The following SLC2A12 variants were observed in gnomAD, a reference collection of about 807,000 sequenced individuals.
SLC2A12 encodes solute carrier family 2, facilitated glucose transporter member 12.
Under a neutral mutation model 41.8 loss-of-function variants are expected in SLC2A12, and 23 were observed. The ratio of observed to expected loss-of-function variants is 0.55; its 90% confidence interval spans 0.40 to 0.78. SLC2A12 has a LOEUF of 0.78. SLC2A12 is among the 30% of genes least tolerant of loss of function. The pLI, the probability that SLC2A12 is intolerant of heterozygous loss-of-function variation, is 0.00. For synonymous variants in SLC2A12, 295 were observed against 285.9 expected (o/e 1.03, Z -0.32); for missense variants, 654 against 745.6 (o/e 0.88, Z 1.43).
chr6:134,001,032 C>T (rs981498401), intron 4 of SLC2A12, among the ~76,000 whole-genome samples: 8 of 152,122 alleles, frequency 5.3e-5, no homozygotes, highest in South Asian at 4.2e-4. Context: ...TCTACACTTC[C>T]GGGACCCACC....
chr6:134,014,559 A>G (rs1275167341), intron 2 of SLC2A12, among the ~76,000 whole-genome samples: 4 of 152,220 alleles, frequency 2.6e-5, no homozygotes, highest in Non-Finnish European at 4.4e-5. Context: ...ATTTTTCATT[A>G]TTGATACTTT....
chr6:134,041,720 C>G lies in SLC2A12; in HGVS notation c.103+10658G>C, dbSNP rs74992131. 5.6e-3 allele frequency among the ~76,000 whole-genome samples: 855 copies of G among 152,246 alleles called. 16 individuals are homozygous for G. Among genetic ancestry groups the G allele is most frequent in the African/African-American group, 0.019 (803 of 41,522 alleles). On this transcript the variant is annotated intron_variant, in intron 1 of 4. Transcript: ENST00000275230. ...TTACGGCCCAATCTTATACATTAGG[C>G]TCCCCATTTTATTTACTGTTAAATC...
intron 2 of SLC2A12, among the ~76,000 whole-genome samples, chr6:134,017,580 CG>C (rs973189758): frequency 1.3e-5 from 2 of 152,088 alleles, no homozygotes; most frequent in Non-Finnish European, 2.9e-5. Flanking sequence ...AGGCCGGGCA[CG>C]GTGACTCACG....
At chr6:134,032,405 A>AATATATATATATATATATATTTATAT (rs1199764963) in intron 1 of SLC2A12, among the ~76,000 whole-genome samples, 1 of 118,080 alleles carries the variant, frequency 8.5e-6, no homozygotes, top group Non-Finnish European at 1.6e-5. Context: ...TACAGGGAGA[A>AATATATATATATATATATATTTATAT]ATATATATAT....
At chr6:134,009,903 G>A (rs1462746065) in intron 2 of SLC2A12, among the ~76,000 whole-genome samples, 1 of 152,104 alleles carries the variant, frequency 6.6e-6, no homozygotes, top group South Asian at 2.1e-4. Flanking sequence ...AAAATCACAG[G>A]TTTTCAGCTC....
At chr6:134,018,904 A>G (rs776093453) in intron 2 of SLC2A12, among the ~76,000 whole-genome samples, 6 of 152,196 alleles carry the variant, frequency 3.9e-5, no homozygotes, top group Non-Finnish European at 7.4e-5. Context: ...CCACTTCTCT[A>G]TCTTCTCCTC....
chr6:134,031,607 T>A (rs73774197), intron 1 of SLC2A12, among the ~76,000 whole-genome samples: 2,693 of 152,244 alleles, frequency 0.018, 83 homozygotes, highest in African/African-American at 0.062. Flanking sequence ...TACTATATAC[T>A]GTGTAGCGCA....
chr6:134,012,787 A>T (rs1776904943), intron 2 of SLC2A12, among the ~76,000 whole-genome samples: 1 of 152,044 alleles, frequency 6.6e-6, no homozygotes, highest in Admixed American at 6.5e-5. Flanking sequence ...GGGCAACATA[A>T]CTAGGCTCTG....
intron 4 of SLC2A12, among the ~76,000 whole-genome samples, chr6:133,994,436 CTG>C (rs1385705493): frequency 6.6e-6 from 1 of 152,158 alleles, no homozygotes; most frequent in Non-Finnish European, 1.5e-5. Context: ...GAGATAAAAA[CTG>C]TAAAACTGGC....
At chr6:134,033,066 G>A (rs1777244325) in intron 1 of SLC2A12, among the ~76,000 whole-genome samples, 2 of 151,750 alleles carry the variant, frequency 1.3e-5, no homozygotes, top group South Asian at 4.2e-4. Flanking sequence ...ACTGTCAGAT[G>A]GCCAGCATAT....
At chr6:134,007,021 C>A (rs1776824432) in intron 2 of SLC2A12, 87 bp from the exon 3 acceptor site, 1 of 1,558,384 alleles carries the variant, frequency 6.4e-7, no homozygotes. Context: ...TCTCTCCCTG[C>A]CCTCATCCTG....
chr6:133,997,669 G>A (rs1299694291), intron 4 of SLC2A12, among the ~76,000 whole-genome samples: 1 of 152,116 alleles, frequency 6.6e-6, no homozygotes, highest in Non-Finnish European at 1.5e-5. Context: ...ATGGAGGTGG[G>A]CAAGGGCTAG....
intron 1 of SLC2A12, among the ~76,000 whole-genome samples, chr6:134,044,650 G>T (rs968504016): frequency 5.4e-5 from 8 of 148,114 alleles, no homozygotes; most frequent in Non-Finnish European, 1.2e-4. Context: ...GGAGGTGAAG[G>T]TTGCAGTGAG....
chr6:134,022,192 C>T (rs1416143918), intron 2 of SLC2A12, among the ~76,000 whole-genome samples: 1 of 151,650 alleles, frequency 6.6e-6, no homozygotes, highest in Non-Finnish European at 1.5e-5. Context: ...TTTCAGGTAC[C>T]TAGGGTTCTA....
At chr6:134,012,009 TC>T (rs1449197198) in intron 2 of SLC2A12, among the ~76,000 whole-genome samples, 1 of 152,072 alleles carries the variant, frequency 6.6e-6, no homozygotes, top group African/African-American at 2.4e-5. Context: ...ACCACGGCAC[TC>T]CAACCTGGGA....
intron 1 of SLC2A12, among the ~76,000 whole-genome samples, chr6:134,034,214 T>C (rs1025359758): frequency 6.6e-6 from 1 of 152,212 alleles, no homozygotes; most frequent in African/African-American, 2.4e-5. Flanking sequence ...TAAAACCTTG[T>C]ACAAGATCAT....
At position 133,990,995 on chromosome 6, in the gene SLC2A12, A is replaced by G; in HGVS notation, c.*160T>C. 1 of 760,910 alleles carries G rather than the reference A, an allele frequency of 1.3e-6. No homozygotes were observed. The highest frequency in any genetic ancestry group is 2.7e-5 in the East Asian group (1 of 37,124). 47.1% of individuals were successfully genotyped at this position (760,910 alleles called of 1,614,324 possible). On this transcript the variant is annotated 3_prime_UTR_variant, in exon 5 of 5. Coordinates refer to ENST00000275230, the MANE Select transcript of SLC2A12 (RefSeq NM_145176.3). ...CTACCTTTTGAGGTTCCTTCTGGGGAGGAGGGGGATTAAAGGCTGTCTTTA... is the reference window on the plus strand; with the variant it reads ...CTACCTTTTGAGGTTCCTTCTGGGGGGGAGGGGGATTAAAGGCTGTCTTTA...
intron 4 of SLC2A12, 112 bp downstream of exon 4, chr6:134,001,885 T>G: frequency 8.7e-7 from 1 of 1,151,926 alleles, no homozygotes; most frequent in South Asian, 1.7e-5. Flanking sequence ...CTAAAGGGAA[T>G]GTCCTAATCT....
chr6:134,010,343 C>T lies in SLC2A12; in HGVS notation c.1445-3409G>A, dbSNP rs533595730. ...TGGGAATCTTCTTTATTCCCTACCC[C>T]GATGACAGGCCAAAAGGGGATGCAC... is the stretch of plus-strand genomic sequence containing the variant. On this transcript the variant is annotated intron_variant, in intron 2 of 4. Coordinates refer to ENST00000275230, the MANE Select transcript of SLC2A12 (RefSeq NM_145176.3). Among the ~76,000 whole-genome samples the T allele has an allele frequency of 3.1e-4, 47 of 152,236 alleles. 1 individual carries two copies. The highest frequency in any genetic ancestry group is 9.6e-4 in the African/African-American group (40 of 41,528).
Sources: allele counts gnomAD v4.1 joint callset (sites outside exome capture counted in the v4.1 genomes callset), GRCh38; gene constraint gnomAD v4.1.1; transcripts MANE v1.5; gene names NCBI Gene and HGNC (gene_info 2026-07-23, HGNC 2026-07-21).